TRNP1: variants seen among roughly 807,000 people sequenced by gnomAD.
TRNP1 encodes TMF-regulated nuclear protein 1.
In TRNP1, 16 loss-of-function variants were observed where a neutral mutation model predicts 12.2. That is an observed-to-expected ratio of 1.31 (90% CI 0.89 to 1.99). The LOEUF (loss-of-function observed/expected upper bound fraction) is 1.99. Among genes scored for constraint, TRNP1 ranks in the 30% most tolerant of loss-of-function variants. The probability of loss-of-function intolerance (pLI) is 0.00; values close to 1 mark genes in which losing one functional copy is unlikely to be tolerated. For missense variants in TRNP1, 338 were observed against 330.4 expected (o/e 1.02, Z -0.18); for synonymous variants, 139 against 166.2 (o/e 0.84, Z 1.26).
In TRNP1 at chr1:26,994,028, CGGGGCTCGCCGGCCCCGGAG is replaced by C; in HGVS notation, c.250_269del (p.Ala84TrpfsTer182). 3.2e-6 allele frequency: 4 copies of C among 1,239,496 alleles called. No individual in the cohort carries two copies. The highest frequency in any genetic ancestry group is 4.0e-6 in the Non-Finnish European group (4 of 992,574). 76.8% of individuals were successfully genotyped at this position (1,239,496 alleles called of 1,614,324 possible). A position where few individuals can be genotyped will look rare whatever the true frequency, so the allele number is the denominator to read the frequency against. ...TGGCGCCAGGGCGCTAGCGGGATCGCGGGGCTCGCCGGCCCCGGAGGGGGCTCTGGCGCGGCTGCGGGGGC... is the reference window on the plus strand; with the variant it reads ...TGGCGCCAGGGCGCTAGCGGGATCGCGGGGCTCTGGCGCGGCTGCGGGGGC... On this transcript the variant is annotated frameshift_variant, in exon 1 of 2. Coordinates refer to ENST00000522111, the MANE Select transcript of TRNP1 (RefSeq NM_001013642.3). LOFTEE classifies it high-confidence loss of function. This position sits in a 1 kb window ranked among gnomAD's most constrained non-coding sequence, Gnocchi z 6.9.
chr1:26,995,819 C>T (rs929989060), intron 1 of TRNP1, among the ~76,000 whole-genome samples: 2 of 152,096 alleles, frequency 1.3e-5, no homozygotes, highest in Non-Finnish European at 1.5e-5. Context: ...TGGTAGAGAC[C>T]GGGTTTCTCC....
chr1:26,999,057 C>A (rs1350084329), intron 1 of TRNP1, among the ~76,000 whole-genome samples: 1 of 152,188 alleles, frequency 6.6e-6, no homozygotes, highest in African/African-American at 2.4e-5. Context: ...ACACCCCAAC[C>A]TGGCTGGGCC....
intron 1 of TRNP1, among the ~76,000 whole-genome samples, chr1:26,997,044 G>C (rs2082548394): frequency 6.6e-6 from 1 of 152,050 alleles, no homozygotes; most frequent in Non-Finnish European, 1.5e-5. Flanking sequence ...TCACCCGTCT[G>C]GCTTTATTCA....
At chr1:26,998,185 C>T (rs1174482115) in intron 1 of TRNP1, among the ~76,000 whole-genome samples, 1 of 151,462 alleles carries the variant, frequency 6.6e-6, no homozygotes, top group Admixed American at 6.6e-5. Context: ...AGATCGAGAC[C>T]ATCGTGACTA....
intron 1 of TRNP1, among the ~76,000 whole-genome samples, chr1:26,995,864 C>T (rs376632036): frequency 1.4e-4 from 21 of 152,174 alleles, no homozygotes; most frequent in African/African-American, 4.6e-4. Context: ...TCCCGACCTC[C>T]GGTGATCTGT....
chr1:26,996,578 G>A (rs1288932417), intron 1 of TRNP1, among the ~76,000 whole-genome samples: 1 of 152,196 alleles, frequency 6.6e-6, no homozygotes, highest in Non-Finnish European at 1.5e-5. Context: ...CTTGGAAAGA[G>A]CTGAGCTCAG....
At chr1:26,995,899 G>C (rs1326526010) in intron 1 of TRNP1, among the ~76,000 whole-genome samples, 3 of 152,152 alleles carry the variant, frequency 2.0e-5, no homozygotes, top group Non-Finnish European at 4.4e-5. Flanking sequence ...CAAAGTGTTG[G>C]GATTACAGGT....
In TRNP1 at chr1:26,993,697, G is replaced by GGGGGCT. The variant is rs1207908908; in HGVS notation, c.-88_-83dup. 8.1e-7 allele frequency: 1 copy of GGGGGCT among 1,234,340 alleles called. No individual in the cohort carries two copies. The highest frequency in any genetic ancestry group is 1.0e-6 in the Non-Finnish European group (1 of 989,084). 76.5% of individuals were successfully genotyped at this position (1,234,340 alleles called of 1,614,324 possible). On this transcript the variant is annotated 5_prime_UTR_variant, in exon 1 of 2. Coordinates refer to ENST00000522111, the MANE Select transcript of TRNP1 (RefSeq NM_001013642.3). ...CGGACGGCGGGCGCGCCTCTGGGGT[G>GGGGGCT]GGGGCTGTGGCCGTGTCTAGCTGTT... is the stretch of plus-strand genomic sequence containing the variant.
chr1:26,997,253 T>C (rs1260174702), intron 1 of TRNP1, among the ~76,000 whole-genome samples: 1 of 141,778 alleles, frequency 7.1e-6, no homozygotes, highest in Non-Finnish European at 1.5e-5. Context: ...AAGAATTGCT[T>C]GAACTCGGGA....
rs2082567353 is a variant in TRNP1, at chr1:27,000,510, CA to C, written c.*807del. On this transcript the variant is annotated 3_prime_UTR_variant, in exon 2 of 2. Transcript: ENST00000522111. ...AAAGTTTTAAATGAAAAAAAGGAAA[CA>C]CATTTAAACATCCTGATAATGGAGG... The C allele has an allele frequency of 1.3e-5, 2 of 152,560 alleles. No individual in the cohort carries two copies. Among genetic ancestry groups the C allele is most frequent in the Non-Finnish European group, 2.9e-5 (2 of 68,018 alleles). The allele number at this position is 152,560 out of a possible 1,614,324, so 9.5% of individuals were successfully genotyped here.
intron 1 of TRNP1, among the ~76,000 whole-genome samples, chr1:26,998,909 G>A (rs2124196345): frequency 6.6e-6 from 1 of 152,320 alleles, no homozygotes; most frequent in African/African-American, 2.4e-5. Context: ...CATTTATCAG[G>A]CTAAAGAGAG....
At chr1:26,995,522 T>C (rs1216832821) in intron 1 of TRNP1, among the ~76,000 whole-genome samples, 1 of 152,240 alleles carries the variant, frequency 6.6e-6, no homozygotes, top group Non-Finnish European at 1.5e-5. Flanking sequence ...CTCTCACTTA[T>C]CAGTCTGCGA....
At chr1:26,998,153 G>A (rs2082554604) in intron 1 of TRNP1, among the ~76,000 whole-genome samples, 1 of 151,970 alleles carries the variant, frequency 6.6e-6, no homozygotes, top group African/African-American at 2.4e-5. Flanking sequence ...GGAGTTTGAG[G>A]CGGGCGGATC....
At chr1:26,997,641 G>A (rs891104835) in intron 1 of TRNP1, among the ~76,000 whole-genome samples, 1 of 152,178 alleles carries the variant, frequency 6.6e-6, no homozygotes, top group Non-Finnish European at 1.5e-5. Flanking sequence ...GATCTTGGGG[G>A]ACCTGTGCAT....
At chr1:26,995,037 T>C (rs1355023094) in intron 1 of TRNP1, among the ~76,000 whole-genome samples, 1 of 152,238 alleles carries the variant, frequency 6.6e-6, no homozygotes, top group Non-Finnish European at 1.5e-5. Context: ...GGGTGGAGGC[T>C]GGCACAGGGC....
At position 26,994,627 on chromosome 1, in the gene TRNP1, G is replaced by A; in HGVS notation, c.*142+15G>A. ...AGGAGGCTGAGGTGCGGTCTTAGCG[G>A]CTGGTGCGTTCGAGGGTCGGTCATG... On this transcript the variant is annotated intron_variant, in intron 1 of 1. Coordinates refer to ENST00000522111, the MANE Select transcript of TRNP1 (RefSeq NM_001013642.3). The surrounding 1 kb of genome is among the most constrained non-coding windows in gnomAD (Gnocchi z 6.9). 1 of 468,626 alleles carries A rather than the reference G, an allele frequency of 2.1e-6. No homozygotes were observed. The highest frequency in any genetic ancestry group is 2.9e-6 in the Non-Finnish European group (1 of 341,316). 29.0% of individuals were successfully genotyped at this position (468,626 alleles called of 1,614,324 possible).
At position 26,994,558 on chromosome 1, in the gene TRNP1, A is replaced by T; in HGVS notation, c.*88A>T. Reference sequence around the variant, plus strand: ...ATCGCGGACGCCGGCTGGAAGGACTACGGATCCGCAGGAAGAGGCAGTTGG... The same window carrying T: ...ATCGCGGACGCCGGCTGGAAGGACTTCGGATCCGCAGGAAGAGGCAGTTGG... On this transcript the variant is annotated 3_prime_UTR_variant, in exon 1 of 2. Coordinates refer to ENST00000522111, the MANE Select transcript of TRNP1 (RefSeq NM_001013642.3). This position sits in a 1 kb window ranked among gnomAD's most constrained non-coding sequence, Gnocchi z 6.9. The T allele has an allele frequency of 1.0e-6, 1 of 972,228 alleles. No homozygotes were observed. The highest frequency in any genetic ancestry group is 1.2e-6 in the Non-Finnish European group (1 of 803,396). 60.2% of individuals were successfully genotyped at this position (972,228 alleles called of 1,614,324 possible). A position where few individuals can be genotyped will look rare whatever the true frequency, so the allele number is the denominator to read the frequency against.
Position 26,993,819 on chromosome 1 carries a change from G to C in TRNP1, c.33G>C (p.Pro11=). The C allele has an allele frequency of 1.5e-6, 2 of 1,326,830 alleles. No individual in the cohort carries two copies. Among genetic ancestry groups the C allele is most frequent in the Non-Finnish European group, 1.9e-6 (2 of 1,042,002 alleles). The allele number at this position is 1,326,830 out of a possible 1,614,324, so 82.2% of individuals were successfully genotyped here. A position where few individuals can be genotyped will look rare whatever the true frequency, so the allele number is the denominator to read the frequency against. ...GCTGCCGCATCAGCGCCTGCGGCCC[G>C]GGGGCCCAGGAGGGGACGGCAGAGC... The part of the protein sequence containing the change: MPGCRISACG[P]GAQEGTAEQR... Residue 11 remains proline (P), a synonymous_variant, in exon 1 of 2, where the codon CCG becomes CCC. Coordinates refer to ENST00000522111, the MANE Select transcript of TRNP1 (RefSeq NM_001013642.3).
intron 1 of TRNP1, among the ~76,000 whole-genome samples, chr1:26,999,226 A>G (rs2082560573): frequency 6.6e-6 from 1 of 152,076 alleles, no homozygotes; most frequent in South Asian, 2.1e-4. Flanking sequence ...TCTACTAAAC[A>G]TACAAAAATT....
Sources: gnomAD v4.1 joint callset for allele counts (sites outside exome capture counted in the v4.1 genomes callset) on GRCh38, gnomAD v4.1.1 for gene constraint, Gnocchi (gnomAD v3.1) non-coding constraint, MANE v1.5 for transcripts, NCBI Gene and HGNC (gene_info 2026-07-23, HGNC 2026-07-21) for gene names.